NAV2: variants seen among roughly 807,000 people sequenced by gnomAD.
The protein encoded by NAV2 is neuron navigator 2, also known as helicase, APC down-regulated 1.
Under a neutral mutation model 223.2 loss-of-function variants are expected in NAV2, and 54 were observed. That is an observed-to-expected ratio of 0.24 (90% CI 0.19 to 0.30). The LOEUF is 0.30. Among genes scored for constraint, NAV2 ranks in the 10% least tolerant of loss-of-function variants. The probability of loss-of-function intolerance (pLI) is 1.00; values close to 1 mark genes in which losing one functional copy is unlikely to be tolerated. For synonymous variants in NAV2, 1,279 were observed against 1,239.3 expected, an observed-to-expected ratio of 1.03 and a Z score of -0.67; for missense variants, 2,806 against 3,147.5, an observed-to-expected ratio of 0.89 and a Z score of 2.60.
At chr11:19,988,543 TC>T (rs201105875) in intron 11 of NAV2, among the ~76,000 whole-genome samples, 3 of 151,670 alleles carry the variant, frequency 2.0e-5, no homozygotes, top group African/African-American at 7.3e-5. Context: ...GAGAGATTTT[TC>T]TTTTCTTCTT....
At chr11:20,108,978 C>T (rs2062402843) in intron 36 of NAV2, among the ~76,000 whole-genome samples, 1 of 152,164 alleles carries the variant, frequency 6.6e-6, no homozygotes, top group Admixed American at 6.5e-5. Flanking sequence ...TTCCTTGGTA[C>T]TGGACAGTGG....
chr11:19,820,828 T>C (rs377709328), intron 1 of NAV2, among the ~76,000 whole-genome samples: 3 of 152,150 alleles, frequency 2.0e-5, no homozygotes, highest in African/African-American at 7.2e-5. Context: ...TGAGAGATTG[T>C]AGATGAGATC....
chr11:19,975,247 T>G (rs796458748), intron 10 of NAV2, among the ~76,000 whole-genome samples: 4 of 152,344 alleles, frequency 2.6e-5, no homozygotes, highest in African/African-American at 9.6e-5. Flanking sequence ...TTCGAACGTG[T>G]GCAGCCTTTC....
chr11:19,784,529 C>A (rs1330309651), intron 1 of NAV2, among the ~76,000 whole-genome samples: 3 of 151,084 alleles, frequency 2.0e-5, no homozygotes, highest in African/African-American at 7.3e-5. Context: ...AGTTTATTAT[C>A]CCAACCAAGA....
At chr11:19,765,230 T>G (rs1297144228) in intron 1 of NAV2, among the ~76,000 whole-genome samples, 4 of 152,234 alleles carry the variant, frequency 2.6e-5, no homozygotes, top group Non-Finnish European at 4.4e-5. Flanking sequence ...GGTCTCTATA[T>G]GAGAGATAAG....
At chr11:19,549,710 T>C (rs967851580) in intron 1 of NAV2, among the ~76,000 whole-genome samples, 3 of 152,184 alleles carry the variant, frequency 2.0e-5, no homozygotes, top group African/African-American at 7.2e-5. Flanking sequence ...GCAGGGCAGC[T>C]CACAGGAGGT....
At chr11:19,774,417 T>C (rs140840099) in intron 1 of NAV2, among the ~76,000 whole-genome samples, 2 of 152,320 alleles carry the variant, frequency 1.3e-5, no homozygotes, top group African/African-American at 4.8e-5. Flanking sequence ...ACTCAAGCAA[T>C]CCTCACACCT....
chr11:20,055,769 C>A lies in NAV2; in HGVS notation c.4643C>A (p.Ala1548Glu). 1 of 1,612,938 alleles carries A rather than the reference C, an allele frequency of 6.2e-7. No individual in the cohort carries two copies. Among genetic ancestry groups the A allele is most frequent in the Non-Finnish European group, 8.5e-7 (1 of 1,179,208 alleles). ...SGTRFNFSQL[A>E]SPTTVTQMSL... Reference sequence around the variant, plus strand: ...TTTGATTCTATTCCTTTTATTCCAGCGAGTCCCACCACTGTCACCCAGATG... The same window carrying A: ...TTTGATTCTATTCCTTTTATTCCAGAGAGTCCCACCACTGTCACCCAGATG... Residue 1548 changes from alanine (A) to glutamate (E), a missense_variant and splice_region_variant, in exon 19 of 38, where the codon GCG becomes GAG. This residue lies in a region of NAV2 where 742 missense variants were observed against 777.9 expected (regional missense o/e 0.95). Coordinates refer to ENST00000349880, the MANE Select transcript of NAV2 (RefSeq NM_145117.5).
chr11:19,387,908 G>T (rs1849105585), intron 1 of NAV2, among the ~76,000 whole-genome samples: 1 of 152,164 alleles, frequency 6.6e-6, no homozygotes, highest in South Asian at 2.1e-4. Context: ...TCACCCACTT[G>T]TTCTCTTATG....
At chr11:19,972,699 C>A (rs182498646) in intron 10 of NAV2, among the ~76,000 whole-genome samples, 1 of 152,282 alleles carries the variant, frequency 6.6e-6, no homozygotes, top group East Asian at 1.9e-4. Flanking sequence ...CTCTAAGGAG[C>A]CTTTTCTGGC....
Position 19,933,244 on chromosome 11 carries a change from G to C in NAV2, c.1000G>C (p.Gly334Arg), listed in dbSNP as rs374063856. 4 of 1,599,690 alleles carry C rather than the reference G, an allele frequency of 2.5e-6. No homozygotes were observed. The highest frequency in any genetic ancestry group is 1.1e-5 in the South Asian group (1 of 89,416). ...CAATGCACCTGCTTCCTTGGAGAGCGGCAGCAGCTCCACCCCTACTAATTG... is the reference window on the plus strand; with the variant it reads ...CAATGCACCTGCTTCCTTGGAGAGCCGCAGCAGCTCCACCCCTACTAATTG... Reference protein sequence around the residue: ...SDNAPASLESGSSSTPTNCST... With the variant: ...SDNAPASLESRSSSTPTNCST... The change falls in exon 7 of 38, where the codon GGC becomes CGC. Residue 334 changes from glycine to arginine, a missense_variant. Gly to Arg is a moderately radical substitution (Grantham distance 125). Around this residue, in one of 4 missense-constraint regions of NAV2, gnomAD observed 1,167 missense variants for 1,180.5 expected, o/e 0.99. Coordinates refer to ENST00000349880, the MANE Select transcript of NAV2 (RefSeq NM_145117.5). The surrounding 1 kb of genome is among the most constrained non-coding windows in gnomAD (Gnocchi z 4.3).
intron 35 of NAV2, among the ~76,000 whole-genome samples, chr11:20,106,554 CAAAAAAAA>C (rs34470765): frequency 2.1e-5 from 2 of 94,914 alleles, no homozygotes; most frequent in Admixed American, 1.1e-4. Context: ...AGTGAGACTC[CAAAAAAAA>C]AAAAAAAAAA....
intron 1 of NAV2, among the ~76,000 whole-genome samples, chr11:19,540,582 G>A (rs531533353): frequency 3.7e-4 from 57 of 152,192 alleles, no homozygotes; most frequent in African/African-American, 1.3e-3. Flanking sequence ...TCCCCTGCAG[G>A]GGCTATTAGC....
intron 1 of NAV2, among the ~76,000 whole-genome samples, chr11:19,791,799 CT>C (rs1197541996): frequency 4.6e-5 from 7 of 152,202 alleles, no homozygotes; most frequent in African/African-American, 1.7e-4. Flanking sequence ...CAAATTTCAG[CT>C]TTGCCAAGCA....
intron 1 of NAV2, among the ~76,000 whole-genome samples, chr11:19,609,050 G>T (rs1202995015): frequency 6.6e-6 from 1 of 152,140 alleles, no homozygotes; most frequent in East Asian, 1.9e-4. Flanking sequence ...AATAATCCAA[G>T]ATCATCTCCC....
intron 1 of NAV2, among the ~76,000 whole-genome samples, chr11:19,678,296 G>A (rs78684092): frequency 0.03 from 4,526 of 152,246 alleles, 155 homozygotes; most frequent in East Asian, 0.081. Flanking sequence ...TAGTATTCTC[G>A]TTTTGTACAT....
Position 19,690,877 on chromosome 11 carries a change from C to A in NAV2, c.76-141607C>A, listed in dbSNP as rs564371773. Reference sequence around the variant, plus strand: ...GTCACACAGCAATTTCAAGGCAGAGCCAGAAGTAGAACCCAGATCCCCGAT... The same window carrying A: ...GTCACACAGCAATTTCAAGGCAGAGACAGAAGTAGAACCCAGATCCCCGAT... On this transcript the variant is annotated intron_variant, in intron 1 of 37. Coordinates refer to the NAV2 transcript ENST00000360655. Among the ~76,000 whole-genome samples the A allele has an allele frequency of 4.6e-5, 7 of 152,252 alleles. No individual in the cohort carries two copies. The East Asian group carries it at 1.4e-3, about 29-fold the overall frequency.
rs147136170 is a variant in NAV2 at position 19,462,340 on chromosome 11, T to C, written c.75+111313T>C. On this transcript the variant is annotated intron_variant, in intron 1 of 37. Transcript: ENST00000360655. ...CAACTACTCCTAATTCCATACCACA[T>C]TGGAAAACCACTGGCCGAATTATTC... Among the ~76,000 whole-genome samples, 146 of 152,260 alleles carry C rather than the reference T, an allele frequency of 9.6e-4. 1 individual carries two copies. Among genetic ancestry groups the C allele is most frequent in the Non-Finnish European group, 1.0e-3 (70 of 68,020 alleles).
At chr11:19,378,879 T>C (rs1848736171) in intron 1 of NAV2, among the ~76,000 whole-genome samples, 1 of 152,036 alleles carries the variant, frequency 6.6e-6, no homozygotes, top group Non-Finnish European at 1.5e-5. Flanking sequence ...TTTGTTGTTT[T>C]CTTCCAGTTG....
Sources: allele counts gnomAD v4.1 joint callset (sites outside exome capture counted in the v4.1 genomes callset), GRCh38; gene constraint gnomAD v4.1.1; regional missense constraint gnomAD v4.1.1; non-coding constraint Gnocchi (gnomAD v3.1); transcripts MANE v1.5; gene names NCBI Gene and HGNC (gene_info 2026-07-23, HGNC 2026-07-21).